THSD7A: variants seen among roughly 807,000 people sequenced by gnomAD.
THSD7A encodes thrombospondin type-1 domain-containing protein 7A.
Under a neutral mutation model 231.3 loss-of-function variants are expected in THSD7A, and 96 were observed. The observed-to-expected ratio is 0.41, with a 90% CI of 0.35 to 0.49. THSD7A has a LOEUF of 0.49. Among genes scored for constraint, THSD7A ranks in the 20% least tolerant of loss-of-function variants. The pLI is 0.05. For missense variants in THSD7A, 2,290 were observed against 2,070.2 expected (o/e 1.11, Z -2.06); for synonymous variants, 940 against 743.3 (o/e 1.26, Z -4.30).
chr7:11,383,677 TC>T (rs1193425747), intron 23 of THSD7A: 2 of 150,462 alleles, frequency 1.3e-5, no homozygotes, highest in African/African-American at 5.0e-5. Flanking sequence ...AAATTAAAGT[TC>T]CTTGATTACT....
intron 13 of THSD7A, among the ~76,000 whole-genome samples, chr7:11,443,817 T>C (rs1784878522): frequency 6.6e-6 from 1 of 152,024 alleles, no homozygotes; most frequent in African/African-American, 2.4e-5. Context: ...TCAGGATAAC[T>C]GAGATGACCC....
At chr7:11,571,009 T>C (rs1386663759) in intron 4 of THSD7A, among the ~76,000 whole-genome samples, 1 of 152,232 alleles carries the variant, frequency 6.6e-6, no homozygotes, top group African/African-American at 2.4e-5. Context: ...CAGCACTTCT[T>C]GGCTGGACCT....
chr7:11,687,646 A>C (rs1198208198), intron 1 of THSD7A, among the ~76,000 whole-genome samples: 1 of 151,892 alleles, frequency 6.6e-6, no homozygotes, highest in African/African-American at 2.4e-5. Context: ...TAGTGTTGTT[A>C]CTTGAGAATA....
At chr7:11,566,887 G>C (rs1327200704) in intron 4 of THSD7A, among the ~76,000 whole-genome samples, 2 of 149,230 alleles carry the variant, frequency 1.3e-5, no homozygotes, top group East Asian at 2.0e-4. Flanking sequence ...CTAAATGTTT[G>C]ATATTAGTGA....
At position 11,589,403 on chromosome 7, in the gene THSD7A, T is replaced by C. The variant is rs144032466; in HGVS notation, c.1453+1057A>G. 2.6e-5 allele frequency among the ~76,000 whole-genome samples: 4 copies of C among 152,314 alleles called. No homozygotes were observed. The East Asian group carries it at 5.8e-4, about 22-fold the overall frequency. The stretch of plus-strand genomic sequence containing the variant: ...TGAAATGAACTCCCTCTTGCACTCT[T>C]GCCATGCTTCCCTGCAAGTAGTGTC... On this transcript the variant is annotated intron_variant, in intron 4 of 27. Coordinates refer to ENST00000423059, the MANE Select transcript of THSD7A (RefSeq NM_015204.3).
intron 6 of THSD7A, among the ~76,000 whole-genome samples, chr7:11,507,940 TCA>T (rs1787623259): frequency 2.0e-5 from 3 of 152,188 alleles, no homozygotes; most frequent in African/African-American, 7.2e-5. Flanking sequence ...TTTAATTGAC[TCA>T]CAGTTCTGCA....
chr7:11,743,008 A>AATC (rs1241819702), intron 1 of THSD7A, among the ~76,000 whole-genome samples: 20 of 151,902 alleles, frequency 1.3e-4, no homozygotes, highest in Non-Finnish European at 2.5e-4. Context: ...TTATTGAAGA[A>AATC]ATCTGCTACT....
At chr7:11,748,374 G>A (rs971778084) in intron 1 of THSD7A, among the ~76,000 whole-genome samples, 2 of 151,928 alleles carry the variant, frequency 1.3e-5, no homozygotes, top group Non-Finnish European at 1.5e-5. Flanking sequence ...ATTAGTAGGC[G>A]ATTGGAGATA....
rs1783594507 is a variant in THSD7A, at chr7:11,406,705, A to T, written c.4062+205T>A. Among the ~76,000 whole-genome samples the T allele has an allele frequency of 6.6e-6, 1 of 152,246 alleles. No individual in the cohort carries two copies. The highest frequency in any genetic ancestry group is 1.5e-5 in the Non-Finnish European group (1 of 68,042). ...TTCATTAAAATGAATCAGTCTCCAA[A>T]TGATTTTAAAAATATAGGGCATGGA... On this transcript the variant is annotated intron_variant, in intron 21 of 27. Transcript: ENST00000423059. The surrounding 1 kb of genome is among the most constrained non-coding windows in gnomAD (Gnocchi z 4.7).
At chr7:11,575,572 G>T (rs1790861109) in intron 4 of THSD7A, among the ~76,000 whole-genome samples, 1 of 152,176 alleles carries the variant, frequency 6.6e-6, no homozygotes, top group Non-Finnish European at 1.5e-5. Context: ...TAAGCAGTAA[G>T]CAGAAGAGCT....
chr7:11,751,624 C>G (rs1470904142), intron 1 of THSD7A, among the ~76,000 whole-genome samples: 1 of 151,954 alleles, frequency 6.6e-6, no homozygotes, highest in East Asian at 1.9e-4. Context: ...AGTGACCCAC[C>G]TGATCCCATA....
chr7:11,399,260 A>G (rs1783308258), intron 23 of THSD7A, among the ~76,000 whole-genome samples: 1 of 152,228 alleles, frequency 6.6e-6, no homozygotes, highest in Non-Finnish European at 1.5e-5. Flanking sequence ...ATTACTCTTG[A>G]TAAAATATAA....
intron 1 of THSD7A, among the ~76,000 whole-genome samples, chr7:11,721,473 A>C (rs2128153162): frequency 6.6e-6 from 1 of 151,858 alleles, no homozygotes; most frequent in Non-Finnish European, 1.5e-5. Flanking sequence ...CATGACTGTA[A>C]GTTTCCTGAG....
intron 1 of THSD7A, among the ~76,000 whole-genome samples, chr7:11,717,355 G>C (rs1221072596): frequency 6.6e-6 from 1 of 151,594 alleles, no homozygotes; most frequent in East Asian, 2.0e-4. Context: ...CTCTGCTCCT[G>C]TTACAGCACA....
chr7:11,800,970 T>C (rs1203243855), intron 1 of THSD7A, among the ~76,000 whole-genome samples: 1 of 152,046 alleles, frequency 6.6e-6, no homozygotes, highest in Non-Finnish European at 1.5e-5. Flanking sequence ...GTCAAAGTGA[T>C]GGTATCAAGG....
At chr7:11,470,185 CA>C (rs1477685599) in intron 8 of THSD7A, among the ~76,000 whole-genome samples, 191 bp from the exon 9 acceptor site, 1 of 152,092 alleles carries the variant, frequency 6.6e-6, no homozygotes, top group African/African-American at 2.4e-5. Context: ...AACCGGACCT[CA>C]ATAAAGCCTC....
At chr7:11,743,026 G>C (rs1343952462) in intron 1 of THSD7A, among the ~76,000 whole-genome samples, 1 of 151,760 alleles carries the variant, frequency 6.6e-6, no homozygotes, top group Non-Finnish European at 1.5e-5. Context: ...ACTACATCAA[G>C]GTTCATTCAG....
chr7:11,576,503 G>T (rs925481489), intron 4 of THSD7A, among the ~76,000 whole-genome samples: 1 of 152,158 alleles, frequency 6.6e-6, no homozygotes, highest in Non-Finnish European at 1.5e-5. Flanking sequence ...GAGTCACTGC[G>T]ATTCATAGCT....
At chr7:11,416,538 A>G (rs10276822) in intron 17 of THSD7A, among the ~76,000 whole-genome samples, 5,886 of 152,264 alleles carry the variant, frequency 0.039, 391 homozygotes, top group African/African-American at 0.13. Context: ...ATCAACTGCC[A>G]TCTTTGTTTT....
Sources: allele counts gnomAD v4.1 joint callset (sites outside exome capture counted in the v4.1 genomes callset), GRCh38; gene constraint gnomAD v4.1.1; non-coding constraint Gnocchi (gnomAD v3.1); transcripts MANE v1.5; gene names NCBI Gene and HGNC (gene_info 2026-07-23, HGNC 2026-07-21).